NPY2R: variants seen among roughly 807,000 people sequenced by gnomAD.
The protein encoded by NPY2R is neuropeptide Y receptor type 2.
NPY2R carries 17 observed loss-of-function variants against 22.3 expected under a neutral mutation model. The ratio of observed to expected loss-of-function variants is 0.76; its 90% CI spans 0.52 to 1.14. NPY2R has a LOEUF of 1.14. NPY2R is among the 50% of genes most tolerant of loss of function. The probability of loss-of-function intolerance (pLI) is 0.00; values close to 1 mark genes in which losing one functional copy is unlikely to be tolerated. For synonymous variants in NPY2R, 209 were observed against 183.4 expected (o/e 1.14, Z -1.13); for missense variants, 424 against 467.9 (o/e 0.91, Z 0.87).
chr4:155,201,516 G>A, the NPY2R span, among the ~76,000 whole-genome samples: 1 of 152,072 alleles, frequency 6.6e-6, no homozygotes, highest in Non-Finnish European at 1.5e-5. Context: ...GGCCTTTCCT[G>A]AACTTCTGAC....
chr4:155,179,603 C>T, the NPY2R span, among the ~76,000 whole-genome samples: 8 of 152,126 alleles, frequency 5.3e-5, no homozygotes, highest in Non-Finnish European at 8.8e-5. Flanking sequence ...TTTTCTGCCC[C>T]GGTATGAACT....
chr4:155,205,811 A>ATCTG (rs1407981860), upstream of NPY2R, among the ~76,000 whole-genome samples: 10 of 140,872 alleles, frequency 7.1e-5, no homozygotes, highest in Non-Finnish European at 3.1e-5. Context: ...GCTGCTATCT[A>ATCTG]TCTATCTATC....
At chr4:155,183,749 A>G in the NPY2R span, among the ~76,000 whole-genome samples, 3 of 152,192 alleles carry the variant, frequency 2.0e-5, no homozygotes, top group Non-Finnish European at 4.4e-5. Context: ...AATTATGTGG[A>G]CAAGACCTCC....
intron 1 of NPY2R, among the ~76,000 whole-genome samples, chr4:155,212,915 C>T (rs867966001): frequency 2.0e-5 from 3 of 152,206 alleles, no homozygotes; most frequent in Middle Eastern, 6.8e-3. Flanking sequence ...ATAAAGAAAA[C>T]GTGGTATGTA....
intron 1 of NPY2R, among the ~76,000 whole-genome samples, chr4:155,209,436 C>T (rs746505797): frequency 6.6e-6 from 1 of 152,178 alleles, no homozygotes; most frequent in Non-Finnish European, 1.5e-5. Flanking sequence ...TTCATTTAAG[C>T]GTTTGCTCAT....
the NPY2R span, among the ~76,000 whole-genome samples, chr4:155,178,938 T>C: frequency 1.6e-4 from 24 of 152,352 alleles, no homozygotes; most frequent in East Asian, 2.3e-3. Context: ...AGTTATTGTG[T>C]ATAATTAGTG....
Position 155,214,593 on chromosome 4 carries a change from C to G in NPY2R, c.654C>G (p.Val218=), listed in dbSNP as rs61741797. ...PGEEKSIYGT[V]YSLSSLLILY... ...AGGAGAAGAGCATCTATGGCACTGT[C>G]TATAGTCTTTCTTCCTTGTTGATCT... The change falls in exon 2 of 2, where the codon GTC becomes GTG. Residue 218 remains valine, a synonymous_variant. Transcript: ENST00000329476. 9.0e-4 allele frequency: 1,457 copies of G among 1,614,178 alleles called. 3 individuals carry two copies. Among genetic ancestry groups the G allele is most frequent in the African/African-American group, 8.6e-3 (648 of 75,048 alleles).
chr4:155,198,768 A>T, the NPY2R span, among the ~76,000 whole-genome samples: 1 of 151,728 alleles, frequency 6.6e-6, no homozygotes, highest in African/African-American at 2.4e-5. Flanking sequence ...AGTGAACCAC[A>T]TGTTCAAGAC....
the NPY2R span, among the ~76,000 whole-genome samples, chr4:155,196,171 G>A: frequency 1.3e-5 from 2 of 152,092 alleles, no homozygotes; most frequent in East Asian, 3.9e-4. Flanking sequence ...CCTGGTCGGT[G>A]TCTAACATTT....
chr4:155,214,675 T>C lies in NPY2R; in HGVS notation c.736T>C (p.Leu246=), dbSNP rs770368011. ...TTCCTACACTCGCATTTGGAGTAAA[T>C]TGAAGAACCATGTCAGTCCTGGAGC... ...SFSYTRIWSK[L]KNHVSPGAAN... The change falls in exon 2 of 2, where the codon TTG becomes CTG. Residue 246 remains leucine, a synonymous_variant. Transcript: ENST00000329476. The C allele has an allele frequency of 5.6e-6, 9 of 1,614,102 alleles. No homozygotes were observed. The highest frequency in any genetic ancestry group is 4.0e-5 in the African/African-American group (3 of 74,932).
chr4:155,209,480 C>A (rs952232391), intron 1 of NPY2R, among the ~76,000 whole-genome samples: 5 of 152,172 alleles, frequency 3.3e-5, no homozygotes, highest in Middle Eastern at 3.2e-3. Context: ...CTGGCAGGAG[C>A]TTTTGGTGGC....
the NPY2R span, among the ~76,000 whole-genome samples, chr4:155,189,732 C>T: frequency 6.6e-6 from 1 of 151,866 alleles, no homozygotes; most frequent in Non-Finnish European, 1.5e-5. Context: ...CCATCTACAA[C>T]CAAACCAGGA....
the NPY2R span, among the ~76,000 whole-genome samples, chr4:155,191,313 C>A: frequency 6.6e-6 from 1 of 152,026 alleles, no homozygotes; most frequent in Admixed American, 6.6e-5. Flanking sequence ...TAAAATCTCA[C>A]ATTCTTTGTC....
the NPY2R span, among the ~76,000 whole-genome samples, chr4:155,184,670 G>A: frequency 0.47 from 70,687 of 151,462 alleles, 17,146 homozygotes; most frequent in East Asian, 0.69. Context: ...ACCAAGTACA[G>A]TCATTATTTC....
At chr4:155,178,683 GT>G in the NPY2R span, among the ~76,000 whole-genome samples, 1 of 152,136 alleles carries the variant, frequency 6.6e-6, no homozygotes, top group African/African-American at 2.4e-5. Context: ...AGCATATTAA[GT>G]GTGCGTGCAT....
chr4:155,184,741 G>A, the NPY2R span, among the ~76,000 whole-genome samples: 6 of 151,856 alleles, frequency 4.0e-5, no homozygotes, highest in South Asian at 4.1e-4. Flanking sequence ...TGTGCTGCGC[G>A]ATAGCCTTTA....
upstream of NPY2R, among the ~76,000 whole-genome samples, chr4:155,206,212 G>T (rs1422739959): frequency 2.0e-5 from 3 of 152,154 alleles, no homozygotes; most frequent in African/African-American, 7.2e-5. Context: ...ACATATTCTG[G>T]TTAGAAATGG....
chr4:155,179,059 T>C, the NPY2R span, among the ~76,000 whole-genome samples: 1 of 152,210 alleles, frequency 6.6e-6, no homozygotes, highest in Non-Finnish European at 1.5e-5. Context: ...CATTTAGTGA[T>C]ATTTTTATTT....
At chr4:155,182,370 G>A in the NPY2R span, among the ~76,000 whole-genome samples, 14 of 152,216 alleles carry the variant, frequency 9.2e-5, no homozygotes, top group African/African-American at 2.9e-4. Flanking sequence ...TCACTTGTGG[G>A]TGTCTTTGGA....
Sources: allele counts gnomAD v4.1 joint callset (sites outside exome capture counted in the v4.1 genomes callset), GRCh38; gene constraint gnomAD v4.1.1; transcripts MANE v1.5; gene names NCBI Gene and HGNC (gene_info 2026-07-23, HGNC 2026-07-21).